The following TCF12 variants were observed in gnomAD, a reference collection of about 807,000 sequenced individuals.
TCF12 encodes DNA-binding protein HTF4.
TCF12 carries 45 observed loss-of-function variants against 86.0 expected under a neutral mutation model. The observed-to-expected ratio is 0.52, with a 90% CI of 0.41 to 0.67. The LOEUF is 0.67. Ranked by LOEUF, TCF12 falls within the 30% of genes least tolerant of loss-of-function variation. TCF12 has a pLI of 0.00. For missense variants in TCF12, 881 were observed against 859.9 expected (o/e 1.02, Z -0.31); for synonymous variants, 330 against 299.6 (o/e 1.10, Z -1.05).
intron 8 of TCF12, among the ~76,000 whole-genome samples, chr15:57,223,661 T>TTTTTTTTTTTAA (rs1555400273): frequency 1.4e-5 from 2 of 142,516 alleles, no homozygotes; most frequent in Non-Finnish European, 3.1e-5. Flanking sequence ...TTTTTTTTTT[T>TTTTTTTTTTTAA]TTTTTTTTTT....
At chr15:56,920,448 C>T (rs1323106627) in intron 2 of TCF12, among the ~76,000 whole-genome samples, 3 of 150,650 alleles carry the variant, frequency 2.0e-5, no homozygotes, top group East Asian at 2.0e-4. Flanking sequence ...AATTTCGAGC[C>T]TTCTGAAACA....
chr15:56,933,585 A>T (rs1386008994), intron 3 of TCF12, among the ~76,000 whole-genome samples: 3 of 152,180 alleles, frequency 2.0e-5, no homozygotes, highest in Non-Finnish European at 2.9e-5. Context: ...AACCTCTCTG[A>T]GTCTGTTTAT....
At chr15:57,163,814 A>T (rs1219858932) in intron 5 of TCF12, among the ~76,000 whole-genome samples, 6 of 152,238 alleles carry the variant, frequency 3.9e-5, no homozygotes, top group African/African-American at 1.4e-4. Context: ...TGTAATCAAA[A>T]TGGATCAGAA....
chr15:57,127,993 A>G (rs961903158), intron 5 of TCF12, among the ~76,000 whole-genome samples: 1 of 152,210 alleles, frequency 6.6e-6, no homozygotes. Flanking sequence ...TCTTTTTTAA[A>G]AAGGGGGATA....
chr15:57,253,167 C>G, intron 15 of TCF12, 95 bp from the exon 16 acceptor site: 2 of 1,361,614 alleles, frequency 1.5e-6, no homozygotes, highest in Non-Finnish European at 2.1e-6. Flanking sequence ...ATTTCACTTG[C>G]TATCTTCCAC....
intron 5 of TCF12, among the ~76,000 whole-genome samples, chr15:57,130,808 C>T (rs2052053019): frequency 6.6e-6 from 1 of 152,076 alleles, no homozygotes; most frequent in African/African-American, 2.4e-5. Context: ...CTCATAAAAT[C>T]TTCACAACTT....
In TCF12 at chr15:57,077,325, ATATGTGTGTGTGTGTGTGTGTGTGTGTG is replaced by A. The variant is rs1431165321; in HGVS notation, c.222+13504_222+13531del. Among the ~76,000 whole-genome samples, 3 of 127,276 alleles carry A rather than the reference ATATGTGTGTGTGTGTGTGTGTGTGTGTG, an allele frequency of 2.4e-5. 1 individual carries two copies. Among genetic ancestry groups the A allele is most frequent in the East Asian group, 4.4e-4 (2 of 4,500 alleles). The allele number at this position is 127,276 out of a possible 152,430, so 83.5% of individuals were successfully genotyped here. On this transcript the variant is annotated intron_variant, in intron 4 of 20. Coordinates refer to ENST00000333725, the MANE Select transcript of TCF12 (RefSeq NM_207037.2). ...ATTTACTTTCCATATATATGTATAT[ATATGTGTGTGTGTGTGTGTGTGTGTGTG>A]TGTGTGTGTGTGTGTGTGTGTATAT...
Position 57,061,781 on chromosome 15 carries a change from T to C in TCF12, c.149-1969T>C, listed in dbSNP as rs140595214. Among the ~76,000 whole-genome samples, 569 of 152,292 alleles carry C rather than the reference T, an allele frequency of 3.7e-3. 1 individual carries two copies. Among genetic ancestry groups the C allele is most frequent in the Admixed American group, 6.2e-3 (95 of 15,302 alleles). On this transcript the variant is annotated intron_variant, in intron 3 of 20. Coordinates refer to ENST00000333725, the MANE Select transcript of TCF12 (RefSeq NM_207037.2). ...AAAGTGATTTTTTAAAATACAACTT[T>C]TCATAAAATTATATGCAGTTCCATA...
In TCF12 at chr15:57,286,713, C is replaced by T; in HGVS notation, c.*568C>T. 3.3e-5 allele frequency: 15 copies of T among 454,410 alleles called. 1 individual carries two copies. In the Middle Eastern group the frequency reaches 4.6e-3, roughly 139 times the overall value. 28.1% of individuals were successfully genotyped at this position (454,410 alleles called of 1,614,324 possible). On this transcript the variant is annotated 3_prime_UTR_variant, in exon 21 of 21. Transcript: ENST00000333725. ...AGGGAAAAGTCTTTTGTTGCCCTCTCCTATCCTCTTGCCATATGAATAGCG... is the reference window on the plus strand; with the variant it reads ...AGGGAAAAGTCTTTTGTTGCCCTCTTCTATCCTCTTGCCATATGAATAGCG...
chr15:57,008,373 C>A (rs2064603763), intron 3 of TCF12, among the ~76,000 whole-genome samples: 1 of 33,336 alleles, frequency 3.0e-5, no homozygotes, highest in African/African-American at 8.1e-5. Flanking sequence ...TGTAAAAATA[C>A]CCTTTTTTTT....
chr15:57,041,067 A>T (rs1319693747), intron 3 of TCF12, among the ~76,000 whole-genome samples: 5 of 152,230 alleles, frequency 3.3e-5, no homozygotes, highest in Non-Finnish European at 7.3e-5. Flanking sequence ...TATCATGTTT[A>T]TAATCACATG....
chr15:57,124,911 A>T (rs1006558705), intron 5 of TCF12, among the ~76,000 whole-genome samples: 13 of 151,390 alleles, frequency 8.6e-5, no homozygotes, highest in Middle Eastern at 3.4e-3. Flanking sequence ...TGACCTCGTG[A>T]TCCGCCCGCC....
intron 18 of TCF12, among the ~76,000 whole-genome samples, chr15:57,269,577 G>A (rs551436968): frequency 4.3e-4 from 66 of 152,004 alleles, no homozygotes; most frequent in African/African-American, 1.5e-3. Context: ...ATATTGTTAT[G>A]TGTGAAATTG....
intron 4 of TCF12, among the ~76,000 whole-genome samples, chr15:57,088,986 G>C (rs1422345772): frequency 6.6e-6 from 1 of 152,102 alleles, no homozygotes; most frequent in Non-Finnish European, 1.5e-5. Flanking sequence ...CTATGGGTGG[G>C]TATTACTACT....
At chr15:56,976,922 A>G (rs1205442690) in intron 3 of TCF12, among the ~76,000 whole-genome samples, 1 of 152,172 alleles carries the variant, frequency 6.6e-6, no homozygotes, top group African/African-American at 2.4e-5. Context: ...GAGGGGACAT[A>G]TTTTAAAATT....
At chr15:56,947,926 A>G (rs1034936657) in intron 3 of TCF12, among the ~76,000 whole-genome samples, 11 of 152,172 alleles carry the variant, frequency 7.2e-5, no homozygotes, top group African/African-American at 2.4e-4. Flanking sequence ...GGGTGAGAAT[A>G]CAAGTGAGAG....
chr15:57,178,516 T>C (rs1164106097), intron 6 of TCF12, among the ~76,000 whole-genome samples: 1 of 152,218 alleles, frequency 6.6e-6, no homozygotes, highest in African/African-American at 2.4e-5. Flanking sequence ...ATTAGAACTC[T>C]TCTGAAAATA....
intron 5 of TCF12, among the ~76,000 whole-genome samples, chr15:57,111,853 G>A (rs750689880): frequency 6.6e-6 from 1 of 152,092 alleles, no homozygotes; most frequent in Admixed American, 6.5e-5. Flanking sequence ...TCAGCCTTTC[G>A]GAGTGCTAGG....
At chr15:57,266,320 T>C (rs2060869606) in intron 18 of TCF12, among the ~76,000 whole-genome samples, 1 of 151,966 alleles carries the variant, frequency 6.6e-6, no homozygotes, top group South Asian at 2.1e-4. Context: ...TCAAGTGATC[T>C]GCTCACCTCA....
Sources: allele counts gnomAD v4.1 joint callset (sites outside exome capture counted in the v4.1 genomes callset), GRCh38; gene constraint gnomAD v4.1.1; transcripts MANE v1.5; gene names NCBI Gene and HGNC (gene_info 2026-07-23, HGNC 2026-07-21).